BLTP1: variants seen among roughly 807,000 people sequenced by gnomAD.
The protein encoded by BLTP1 is bridge-like lipid transfer protein family member 1.
the BLTP1 span, chr4:122,189,314 T>C: frequency 1.0e-6 from 1 of 980,076 alleles, no homozygotes; most frequent in Non-Finnish European, 1.2e-6. Flanking sequence ...TATTGTGATG[T>C]ATGTATGACA....
the BLTP1 span, among the ~76,000 whole-genome samples, chr4:122,191,742 C>G: frequency 6.6e-6 from 1 of 152,020 alleles, no homozygotes; most frequent in Non-Finnish European, 1.5e-5. Context: ...AATACTCCTC[C>G]CTTTTCTATC....
the BLTP1 span, among the ~76,000 whole-genome samples, chr4:122,329,601 T>C: frequency 6.6e-6 from 1 of 151,748 alleles, no homozygotes; most frequent in Admixed American, 6.6e-5. Flanking sequence ...ACAGATGATC[T>C]ATATCTCTTT....
the BLTP1 span, chr4:122,356,478 A>G: frequency 1.3e-5 from 11 of 844,462 alleles, no homozygotes; most frequent in Non-Finnish European, 1.8e-5. Flanking sequence ...TTAACAAACT[A>G]TCATCATCCT....
chr4:122,210,770 T>C, the BLTP1 span: 4 of 1,302,022 alleles, frequency 3.1e-6, no homozygotes, highest in Admixed American at 1.1e-4. Context: ...TAAAGATTAG[T>C]TGATGTCATA....
the BLTP1 span, chr4:122,261,514 GA>G: frequency 2.0e-6 from 2 of 982,714 alleles, no homozygotes; most frequent in Non-Finnish European, 2.4e-6. Flanking sequence ...ACAGAAGATA[GA>G]AATCGAAAAA....
chr4:122,275,872 A>G, the BLTP1 span: 312 of 1,284,490 alleles, frequency 2.4e-4, no homozygotes, highest in Admixed American at 9.5e-4. Context: ...GAAATTAGAA[A>G]AGCTTTCCAG....
chr4:122,205,545 A>G, the BLTP1 span, among the ~76,000 whole-genome samples: 1 of 149,148 alleles, frequency 6.7e-6, no homozygotes, highest in Non-Finnish European at 1.5e-5. Context: ...AGTCTGTGCT[A>G]TAATAATACT....
At chr4:122,334,527 C>G in the BLTP1 span, 1 of 1,612,548 alleles carries the variant, frequency 6.2e-7, no homozygotes, top group Non-Finnish European at 8.5e-7. Context: ...TCCTCCCCAG[C>G]CCCCACCTAT....
At chr4:122,250,028 T>C in the BLTP1 span, 1 of 928,600 alleles carries the variant, frequency 1.1e-6, no homozygotes, top group East Asian at 1.2e-4. Context: ...ATATAAAAAC[T>C]GTAAATTCTT....
the BLTP1 span, among the ~76,000 whole-genome samples, chr4:122,233,158 A>G: frequency 6.6e-6 from 1 of 152,212 alleles, no homozygotes. Context: ...CCTACAGTTC[A>G]ACGAGCCATT....
the BLTP1 span, chr4:122,211,036 T>C: frequency 3.4e-5 from 55 of 1,609,426 alleles, 1 homozygote; most frequent in South Asian, 6.0e-4. Context: ...AATGGAACTT[T>C]CTCCAGATTC....
At chr4:122,300,009 A>G in the BLTP1 span, 12 of 875,732 alleles carry the variant, frequency 1.4e-5, no homozygotes, top group Non-Finnish European at 1.4e-5. Flanking sequence ...ATACAAATAT[A>G]TATTTTTTTA....
At chr4:122,261,352 A>T in the BLTP1 span, 2 of 984,532 alleles carry the variant, frequency 2.0e-6, no homozygotes, top group Non-Finnish European at 2.4e-6. Flanking sequence ...ATTGTTTTGA[A>T]CATTCTTTTG....
chr4:122,211,175 G>A, the BLTP1 span: 1 of 1,224,736 alleles, frequency 8.2e-7, no homozygotes, highest in Non-Finnish European at 1.1e-6. Context: ...GAGACCGTTT[G>A]AAATAGCCAG....
At chr4:122,209,201 C>A in the BLTP1 span, 3 of 1,611,682 alleles carry the variant, frequency 1.9e-6, no homozygotes, top group Non-Finnish European at 2.5e-6. Flanking sequence ...AGACTGCCAC[C>A]CTAGTAAATA....
the BLTP1 span, among the ~76,000 whole-genome samples, chr4:122,294,372 T>G: frequency 6.6e-6 from 1 of 152,156 alleles, no homozygotes; most frequent in Non-Finnish European, 1.5e-5. Flanking sequence ...ATTAGGTCGG[T>G]ACCTGGGGCA....
the BLTP1 span, chr4:122,316,555 A>G: frequency 2.6e-6 from 2 of 778,752 alleles, no homozygotes; most frequent in Admixed American, 2.2e-5. Flanking sequence ...AAACGTAGGT[A>G]GCAACTAAAT....
At chr4:122,284,138 A>G in the BLTP1 span, among the ~76,000 whole-genome samples, 1 of 152,198 alleles carries the variant, frequency 6.6e-6, no homozygotes, top group African/African-American at 2.4e-5. Context: ...TTGGTAGTCT[A>G]CAAGTGTGCT....
chr4:122,341,650 T>C, the BLTP1 span: 1 of 967,572 alleles, frequency 1.0e-6, no homozygotes, highest in East Asian at 1.1e-4. Context: ...TCATTATTTA[T>C]TCAAGGAATG....
Sources: gnomAD v4.1 joint callset for allele counts (sites outside exome capture counted in the v4.1 genomes callset) on GRCh38, gnomAD v4.1.1 for gene constraint, MANE v1.5 for transcripts, NCBI Gene and HGNC (gene_info 2026-07-23, HGNC 2026-07-21) for gene names.